IL7: variants seen among roughly 807,000 people sequenced by gnomAD.
IL7 encodes the protein interleukin 7.
A neutral mutation model predicts 21.6 loss-of-function variants in IL7; 3 were observed. That is an observed-to-expected ratio of 0.14 (90% CI 0.06 to 0.36). The LOEUF (loss-of-function observed/expected upper bound fraction) is 0.36, where lower values mean the gene tolerates loss of function less well. Ranked by LOEUF, IL7 falls within the 10% of genes least tolerant of loss-of-function variation. The probability of loss-of-function intolerance (pLI) is 1.00; values close to 1 mark genes in which losing one functional copy is unlikely to be tolerated. For missense variants in IL7, 175 were observed against 200.2 expected (o/e 0.87, Z 0.76); for synonymous variants, 62 against 68.1 (o/e 0.91, Z 0.44).
intron 2 of IL7, among the ~76,000 whole-genome samples, chr8:78,748,214 A>G (rs1472358517): frequency 6.6e-6 from 1 of 152,212 alleles, no homozygotes; most frequent in East Asian, 1.9e-4. Context: ...AAACATGGGA[A>G]CAGTTTTTCT....
At chr8:78,795,196 A>G (rs1162541781) in intron 2 of IL7, among the ~76,000 whole-genome samples, 1 of 152,112 alleles carries the variant, frequency 6.6e-6, no homozygotes, top group Non-Finnish European at 1.5e-5. Context: ...CTTCATAACT[A>G]TTAGTATTAT....
intron 4 of IL7, among the ~76,000 whole-genome samples, chr8:78,737,230 G>A (rs1446364781): frequency 2.0e-5 from 3 of 151,992 alleles, no homozygotes; most frequent in South Asian, 4.1e-4. Context: ...TCAGTTTTCC[G>A]TTTTACACTC....
intron 2 of IL7, among the ~76,000 whole-genome samples, chr8:78,772,055 A>G (rs1812976329): frequency 6.6e-6 from 1 of 152,160 alleles, no homozygotes; most frequent in Admixed American, 6.6e-5. Flanking sequence ...AGTGCAAGCA[A>G]TATCTAACAA....
chr8:78,739,894 A>G (rs1811721571), intron 3 of IL7, 108 bp downstream of exon 3: 1 of 967,316 alleles, frequency 1.0e-6, no homozygotes, highest in East Asian at 3.7e-5. Flanking sequence ...TTATGTGATC[A>G]GGCTGCAAAT....
intron 2 of IL7, among the ~76,000 whole-genome samples, chr8:78,773,244 G>C (rs1471851752): frequency 6.6e-6 from 1 of 152,062 alleles, no homozygotes; most frequent in Non-Finnish European, 1.5e-5. Context: ...CATTCACCCA[G>C]TGGGCACGTC....
chr8:78,799,534 G>C (rs1391482519), intron 1 of IL7, among the ~76,000 whole-genome samples: 1 of 152,052 alleles, frequency 6.6e-6, no homozygotes, highest in African/African-American at 2.4e-5. Context: ...CTGCCACTAA[G>C]TGCCTATATG....
downstream of IL7, among the ~76,000 whole-genome samples, chr8:78,729,509 A>C (rs1811387126): frequency 6.6e-6 from 1 of 152,034 alleles, no homozygotes; most frequent in African/African-American, 2.4e-5. Context: ...CTTTCTCTTA[A>C]GCAGCAAGAT....
chr8:78,741,052 G>A (rs1192587029), intron 2 of IL7, among the ~76,000 whole-genome samples: 1 of 152,138 alleles, frequency 6.6e-6, no homozygotes, highest in Non-Finnish European at 1.5e-5. Context: ...AGCAATCTTA[G>A]CCTATGTAAT....
chr8:78,794,963 T>A (rs1336160488), intron 2 of IL7, among the ~76,000 whole-genome samples: 4 of 152,070 alleles, frequency 2.6e-5, no homozygotes. Flanking sequence ...CCTAAATAAA[T>A]GTTTGCTGAT....
At chr8:78,731,387 CAATT>C (rs371213232), downstream of IL7, among the ~76,000 whole-genome samples, 2 of 151,858 alleles carry the variant, frequency 1.3e-5, no homozygotes, top group African/African-American at 2.4e-5. Context: ...TTTATATAAT[CAATT>C]AAGTTTTAGA....
At chr8:78,739,122 T>TA (rs895111364) in intron 3 of IL7, among the ~76,000 whole-genome samples, 4 of 151,880 alleles carry the variant, frequency 2.6e-5, no homozygotes, top group African/African-American at 4.8e-5. Context: ...TTAAGAAATT[T>TA]AAAAAAAAGA....
intron 2 of IL7, among the ~76,000 whole-genome samples, chr8:78,747,992 G>A (rs1462128518): frequency 2.0e-5 from 3 of 152,192 alleles, no homozygotes; most frequent in African/African-American, 7.2e-5. Context: ...AAATAGTATA[G>A]GTGACTACTT....
intron 5 of IL7, among the ~76,000 whole-genome samples, chr8:78,735,293 G>GTTTTTTTTTTTTTTTTTTTTTTTTTTT (rs33976248): frequency 1.4e-5 from 1 of 69,572 alleles, no homozygotes; most frequent in Non-Finnish European, 2.7e-5. Flanking sequence ...TTTTTTTTTT[G>GTTTTTTTTTTTTTTTTTTTTTTTTTTT]TTTTTTTTTT....
chr8:78,782,137 T>C (rs1813353921), intron 2 of IL7, among the ~76,000 whole-genome samples: 1 of 152,212 alleles, frequency 6.6e-6, no homozygotes, highest in Non-Finnish European at 1.5e-5. Context: ...GGTTCTTAAC[T>C]TCTTTGCATT....
At chr8:78,721,030 C>T (rs377691937) in exon 5 of IL7, 12 of 151,918 alleles carry the variant, frequency 7.9e-5, no homozygotes, top group African/African-American at 2.4e-4. Flanking sequence ...CATTGAAAAA[C>T]GCTTTATGTG....
intron 3 of IL7, among the ~76,000 whole-genome samples, chr8:78,702,691 G>A (rs537765716): frequency 3.3e-5 from 5 of 152,200 alleles, no homozygotes; most frequent in South Asian, 2.1e-4. Context: ...AGCACTTCCC[G>A]ATTTCTGCGT....
At chr8:78,753,701 T>G (rs556756457) in intron 2 of IL7, among the ~76,000 whole-genome samples, 1 of 152,230 alleles carries the variant, frequency 6.6e-6, no homozygotes, top group Non-Finnish European at 1.5e-5. Context: ...GTTTTTATGG[T>G]TTTAGGTCGT....
intron 2 of IL7, among the ~76,000 whole-genome samples, chr8:78,774,291 G>A (rs1054344761): frequency 3.3e-5 from 5 of 151,754 alleles, no homozygotes; most frequent in Non-Finnish European, 7.4e-5. Context: ...TTAACAAGAA[G>A]GAAAAAAAGT....
At chr8:78,698,174 G>A (rs1167552063) in intron 3 of IL7, among the ~76,000 whole-genome samples, 1 of 152,154 alleles carries the variant, frequency 6.6e-6, no homozygotes, top group Non-Finnish European at 1.5e-5. Flanking sequence ...GTTAGAAGAA[G>A]ATATTGACCA....
Sources: gnomAD v4.1 joint callset for allele counts (sites outside exome capture counted in the v4.1 genomes callset) on GRCh38, gnomAD v4.1.1 for gene constraint, MANE v1.5 for transcripts, NCBI Gene and HGNC (gene_info 2026-07-23, HGNC 2026-07-21) for gene names.